Variants in PRKCE observed in about 807,000 individuals in gnomAD.
The protein encoded by PRKCE is protein kinase C epsilon.
A neutral mutation model predicts 85.4 loss-of-function variants in PRKCE; 16 were observed. The observed-to-expected ratio is 0.19, with a 90% CI of 0.13 to 0.28. PRKCE has a LOEUF of 0.28. Ranked by LOEUF, PRKCE falls within the 10% of genes least tolerant of loss-of-function variation. PRKCE has a pLI of 1.00. For missense variants in PRKCE, 573 were observed against 975.2 expected, an observed-to-expected ratio of 0.59 and a Z score of 5.49; for synonymous variants, 388 against 371.5, an observed-to-expected ratio of 1.04 and a Z score of -0.51.
intron 6 of PRKCE, among the ~76,000 whole-genome samples, chr2:45,986,799 G>A (rs1287547899): frequency 2.0e-5 from 3 of 152,096 alleles, no homozygotes; most frequent in Admixed American, 2.0e-4. Flanking sequence ...CTGGAGGTGG[G>A]GGCGGAGCCA....
chr2:46,000,202 C>G (rs1255394074), intron 6 of PRKCE, among the ~76,000 whole-genome samples: 4 of 150,802 alleles, frequency 2.7e-5, no homozygotes, highest in Admixed American at 2.6e-4. Context: ...TCTTGCCAGA[C>G]ATTATATACC....
intron 2 of PRKCE, among the ~76,000 whole-genome samples, chr2:45,951,072 A>G (rs879785534): frequency 9.2e-5 from 14 of 152,168 alleles, no homozygotes; most frequent in Non-Finnish European, 1.8e-4. Context: ...CTCGGTGCCC[A>G]AACCATCACT....
Position 46,185,100 on chromosome 2 carries a change from A to T in PRKCE, c.*219A>T. 1 of 597,012 alleles carries T rather than the reference A, an allele frequency of 1.7e-6. No homozygotes were observed. The highest frequency in any genetic ancestry group is 2.9e-6 in the Non-Finnish European group (1 of 342,590). 37.0% of individuals were successfully genotyped at this position (597,012 alleles called of 1,614,324 possible). ...TCGGTTCTTGTCTCACCAGTAATGC[A>T]GACTCATTGGGTCAGCAATTAGCTG... On this transcript the variant is annotated 3_prime_UTR_variant, in exon 15 of 15. Transcript: ENST00000306156. This position sits in a 1 kb window ranked among gnomAD's most constrained non-coding sequence, Gnocchi z 4.7.
At position 46,004,777 on chromosome 2, in the gene PRKCE, C is replaced by T; in HGVS notation, c.1063+139C>T. ...CTGGTGGGTTTTCACACACCCGTTGCCTGTTGATTTAACAGTTCTTTCATT... is the reference window on the plus strand; with the variant it reads ...CTGGTGGGTTTTCACACACCCGTTGTCTGTTGATTTAACAGTTCTTTCATT... On this transcript the variant is annotated intron_variant, in intron 8 of 14. Coordinates refer to ENST00000306156, the MANE Select transcript of PRKCE (RefSeq NM_005400.3). This position sits in a 1 kb window ranked among gnomAD's most constrained non-coding sequence, Gnocchi z 4.1. The T allele has an allele frequency of 1.4e-6, 1 of 691,152 alleles. No individual in the cohort carries two copies. Among genetic ancestry groups the T allele is most frequent in the Non-Finnish European group, 2.5e-6 (1 of 408,100 alleles). 42.8% of individuals were successfully genotyped at this position (691,152 alleles called of 1,614,324 possible). A position where few individuals can be genotyped will look rare whatever the true frequency, so the allele number is the denominator to read the frequency against.
chr2:45,928,466 G>A (rs1415352284), intron 2 of PRKCE, among the ~76,000 whole-genome samples: 2 of 152,032 alleles, frequency 1.3e-5, no homozygotes, highest in Admixed American at 6.6e-5. Flanking sequence ...ATGGGGTTTC[G>A]TCATGTTGCC....
intron 10 of PRKCE, among the ~76,000 whole-genome samples, chr2:46,038,631 A>G (rs1251797407): frequency 2.7e-5 from 4 of 146,270 alleles, no homozygotes; most frequent in African/African-American, 7.5e-5. Context: ...CAATGATGGA[A>G]TTAAGGCATA....
Position 45,715,551 on chromosome 2 carries a change from G to A in PRKCE, c.348+63103G>A, listed in dbSNP as rs561718560. Among the ~76,000 whole-genome samples, 12 of 152,340 alleles carry A rather than the reference G, an allele frequency of 7.9e-5. No individual in the cohort carries two copies. The South Asian group carries it at 2.5e-3, about 32-fold the overall frequency. On this transcript the variant is annotated intron_variant, in intron 1 of 14. Coordinates refer to ENST00000306156, the MANE Select transcript of PRKCE (RefSeq NM_005400.3). ...TTGTCACAGGGTTTCTAAGGAGCAAGAGACTCCTGCTCATCTCTCCCAGAG... is the reference window on the plus strand; with the variant it reads ...TTGTCACAGGGTTTCTAAGGAGCAAAAGACTCCTGCTCATCTCTCCCAGAG...
At chr2:46,093,649 C>G (rs1396919874) in intron 11 of PRKCE, among the ~76,000 whole-genome samples, 2 of 151,928 alleles carry the variant, frequency 1.3e-5, no homozygotes, top group African/African-American at 4.8e-5. Context: ...TCACCTCAGC[C>G]TCCCAAATTG....
chr2:45,766,059 G>C (rs1375317164), intron 1 of PRKCE, among the ~76,000 whole-genome samples: 2 of 152,214 alleles, frequency 1.3e-5, no homozygotes, highest in African/African-American at 4.8e-5. Flanking sequence ...GGAGATAGGG[G>C]AGATTATTTT....
At chr2:46,014,409 T>C (rs942480812) in intron 10 of PRKCE, among the ~76,000 whole-genome samples, 1 of 152,002 alleles carries the variant, frequency 6.6e-6, no homozygotes, top group African/African-American at 2.4e-5. Flanking sequence ...TTTATAAAGG[T>C]AGGGTGCTTA....
chr2:45,989,031 C>T (rs1703580261), intron 6 of PRKCE, among the ~76,000 whole-genome samples: 1 of 152,314 alleles, frequency 6.6e-6, no homozygotes, highest in East Asian at 1.9e-4. Flanking sequence ...CCCCCACACT[C>T]ATGTCTCAGC....
At chr2:45,741,759 C>A (rs1682595743) in intron 1 of PRKCE, among the ~76,000 whole-genome samples, 1 of 152,138 alleles carries the variant, frequency 6.6e-6, no homozygotes, top group African/African-American at 2.4e-5. Context: ...TGCTGGATTA[C>A]CCAGGAAAGC....
At chr2:45,703,529 C>T (rs1279416999) in intron 1 of PRKCE, among the ~76,000 whole-genome samples, 5 of 146,546 alleles carry the variant, frequency 3.4e-5, no homozygotes, top group Non-Finnish European at 6.1e-5. Flanking sequence ...CAGAGTGAGA[C>T]CTTGTCTCTA....
intron 1 of PRKCE, among the ~76,000 whole-genome samples, chr2:45,781,524 C>T (rs1259623309): frequency 6.6e-6 from 1 of 152,140 alleles, no homozygotes; most frequent in Non-Finnish European, 1.5e-5. Flanking sequence ...TTTGCAGTTG[C>T]AAGTGTCAGA....
intron 1 of PRKCE, among the ~76,000 whole-genome samples, chr2:45,661,520 TTTGTTTTTTG>T (rs1558533898): frequency 6.3e-4 from 69 of 109,304 alleles, no homozygotes; most frequent in African/African-American, 2.3e-3. Context: ...TGTTTTGTTT[TTTGTTTTTTG>T]TTTTTTTTTT....
intron 2 of PRKCE, among the ~76,000 whole-genome samples, chr2:45,884,459 C>A (rs1695096098): frequency 6.6e-6 from 1 of 152,178 alleles, no homozygotes; most frequent in Non-Finnish European, 1.5e-5. Flanking sequence ...TCCTTGTGGT[C>A]TTAGGCAAGT....
chr2:45,972,281 A>G (rs961600937), intron 2 of PRKCE, among the ~76,000 whole-genome samples: 1 of 151,858 alleles, frequency 6.6e-6, no homozygotes, highest in Non-Finnish European at 1.5e-5. Context: ...AGAAAAGTCT[A>G]CTCGGTTCTT....
chr2:45,667,449 G>T (rs1675970153), intron 1 of PRKCE, among the ~76,000 whole-genome samples: 1 of 152,104 alleles, frequency 6.6e-6, no homozygotes, highest in African/African-American at 2.4e-5. Flanking sequence ...TGCCCAGCCT[G>T]GTTAAGTAAA....
At position 45,951,872 on chromosome 2, in the gene PRKCE, G is replaced by A. The variant is rs573086859; in HGVS notation, c.413-24557G>A. Among the ~76,000 whole-genome samples the A allele has an allele frequency of 1.2e-4, 18 of 152,244 alleles. No individual in the cohort carries two copies. In the East Asian group the frequency reaches 3.1e-3, roughly 26 times the overall value. The stretch of plus-strand genomic sequence containing the variant: ...TTTTGAGACGGAGTCTTGCTCTGTC[G>A]CCCAGGCTGGAGCACAGGGGCGCCA... On this transcript the variant is annotated intron_variant, in intron 2 of 14. Coordinates refer to ENST00000306156, the MANE Select transcript of PRKCE (RefSeq NM_005400.3).
Sources: gnomAD v4.1 joint callset for allele counts (sites outside exome capture counted in the v4.1 genomes callset) on GRCh38, gnomAD v4.1.1 for gene constraint, Gnocchi (gnomAD v3.1) non-coding constraint, MANE v1.5 for transcripts, NCBI Gene and HGNC (gene_info 2026-07-23, HGNC 2026-07-21) for gene names.